Variants in RGS6 observed in about 807,000 individuals in gnomAD.
The protein encoded by RGS6 is regulator of G-protein signaling 6.
In RGS6, 30 loss-of-function variants were observed where a neutral mutation model predicts 78.5. The ratio of observed to expected loss-of-function variants is 0.38; its 90% CI spans 0.29 to 0.52. RGS6 has a LOEUF of 0.52. Among genes scored for constraint, RGS6 ranks in the 20% least tolerant of loss-of-function variants. The pLI is 0.85. For missense variants in RGS6, 495 were observed against 609.7 expected (o/e 0.81, Z 1.98); for synonymous variants, 206 against 206.0 (o/e 1.00, Z 0.00).
At chr14:72,080,916 T>C (rs1567165508) in intron 2 of RGS6, among the ~76,000 whole-genome samples, 1 of 152,172 alleles carries the variant, frequency 6.6e-6, no homozygotes, top group Non-Finnish European at 1.5e-5. Context: ...TTTTGATTAC[T>C]GTAGCTTTGT....
chr14:72,422,134 C>T (rs1393729134), intron 3 of RGS6, among the ~76,000 whole-genome samples: 1 of 152,190 alleles, frequency 6.6e-6, no homozygotes, highest in Non-Finnish European at 1.5e-5. Context: ...CTATGTAAGA[C>T]ATGACTTGCA....
chr14:72,519,797 G>A (rs1290174640), intron 15 of RGS6, among the ~76,000 whole-genome samples: 3 of 152,146 alleles, frequency 2.0e-5, no homozygotes, highest in Non-Finnish European at 4.4e-5. Flanking sequence ...GAGTGACAGG[G>A]GAGTTCCGTG....
chr14:72,246,099 A>G (rs1476604447), intron 2 of RGS6, among the ~76,000 whole-genome samples: 1 of 152,194 alleles, frequency 6.6e-6, no homozygotes, highest in Non-Finnish European at 1.5e-5. Context: ...ATCATCAGTG[A>G]TGTAATATTC....
At chr14:72,095,562 G>T (rs948449881) in intron 2 of RGS6, among the ~76,000 whole-genome samples, 5 of 152,198 alleles carry the variant, frequency 3.3e-5, no homozygotes, top group Admixed American at 6.5e-5. Context: ...CTGTAACAGT[G>T]TCACGTTGGC....
intron 2 of RGS6, among the ~76,000 whole-genome samples, chr14:72,200,538 C>G (rs945610418): frequency 8.5e-5 from 13 of 152,146 alleles, no homozygotes; most frequent in Non-Finnish European, 1.8e-4. Context: ...AAAGGTTTGA[C>G]CAACTCAGAG....
intron 2 of RGS6, among the ~76,000 whole-genome samples, chr14:72,149,575 A>T (rs1353536878): frequency 6.6e-6 from 1 of 152,194 alleles, no homozygotes; most frequent in Non-Finnish European, 1.5e-5. Flanking sequence ...TTTGGGACCA[A>T]ATTATGGTGG....
intron 3 of RGS6, among the ~76,000 whole-genome samples, chr14:72,414,506 T>C (rs1230666785): frequency 6.6e-6 from 1 of 152,192 alleles, no homozygotes; most frequent in Non-Finnish European, 1.5e-5. Context: ...TGCCATTGGT[T>C]CGAACTTCCT....
chr14:72,588,794 C>T, the RGS6 span, among the ~76,000 whole-genome samples: 1 of 152,164 alleles, frequency 6.6e-6, no homozygotes, highest in Non-Finnish European at 1.5e-5. Context: ...TTGTGATTTA[C>T]AGAAAGAAAT....
intron 2 of RGS6, among the ~76,000 whole-genome samples, chr14:72,057,079 C>G (rs2093651226): frequency 6.6e-6 from 1 of 151,892 alleles, no homozygotes; most frequent in South Asian, 2.1e-4. Context: ...TTTGGAAGGC[C>G]GAGGCAGGCG....
At chr14:71,918,920 A>G in the RGS6 span, among the ~76,000 whole-genome samples, 1 of 152,218 alleles carries the variant, frequency 6.6e-6, no homozygotes, top group East Asian at 1.9e-4. Context: ...TTGAGTTACA[A>G]TGATAAAGTT....
chr14:72,057,318 A>C (rs1346326411), intron 2 of RGS6, among the ~76,000 whole-genome samples: 1 of 90,098 alleles, frequency 1.1e-5, no homozygotes, highest in Non-Finnish European at 2.5e-5. Flanking sequence ...TATCTGAAAA[A>C]AAAAAAAAAA....
chr14:72,313,619 A>G (rs1400754392), intron 2 of RGS6, among the ~76,000 whole-genome samples: 1 of 151,884 alleles, frequency 6.6e-6, no homozygotes, highest in Non-Finnish European at 1.5e-5. Context: ...TGATTAAGAG[A>G]AGCTAGCTTA....
At chr14:72,378,227 T>C (rs961958356) in intron 3 of RGS6, among the ~76,000 whole-genome samples, 1 of 152,160 alleles carries the variant, frequency 6.6e-6, no homozygotes, top group Non-Finnish European at 1.5e-5. Context: ...CAGGCAAGTT[T>C]ATAGCAATAA....
chr14:72,147,941 C>T (rs1038997508), intron 2 of RGS6, among the ~76,000 whole-genome samples: 7 of 152,064 alleles, frequency 4.6e-5, no homozygotes, highest in Non-Finnish European at 1.0e-4. Flanking sequence ...ACCATCCTGG[C>T]TAACATGGTG....
At chr14:72,193,367 C>T (rs2039196730) in intron 2 of RGS6, among the ~76,000 whole-genome samples, 1 of 152,240 alleles carries the variant, frequency 6.6e-6, no homozygotes, top group Non-Finnish European at 1.5e-5. Context: ...TTAGTAGCAA[C>T]TGCTCCCTCT....
intron 2 of RGS6, among the ~76,000 whole-genome samples, chr14:72,174,464 A>G (rs1312817443): frequency 6.6e-6 from 1 of 152,222 alleles, no homozygotes; most frequent in Non-Finnish European, 1.5e-5. Flanking sequence ...GCCGCAAGGT[A>G]GGGGAGCTCA....
At chr14:72,516,373 G>T (rs2096942838) in intron 14 of RGS6, among the ~76,000 whole-genome samples, 1 of 152,164 alleles carries the variant, frequency 6.6e-6, no homozygotes, top group Non-Finnish European at 1.5e-5. Flanking sequence ...AGAGTCAAGG[G>T]CCCACCTGAA....
At chr14:72,053,083 T>TCCCTCCCTCCCTCCCTCCCTC (rs1458839360) in intron 2 of RGS6, among the ~76,000 whole-genome samples, 1 of 3,586 alleles carries the variant, frequency 2.8e-4, no homozygotes, top group African/African-American at 7.3e-4. Context: ...CTCCCTCCCT[T>TCCCTCCCTCCCTCCCTCCCTC]CCTTCCTTCC....
At chr14:72,309,530 T>G (rs576190329) in intron 2 of RGS6, among the ~76,000 whole-genome samples, 3 of 152,320 alleles carry the variant, frequency 2.0e-5, no homozygotes, top group Admixed American at 6.5e-5. Flanking sequence ...GGGATCAATG[T>G]TGGTAGTTTG....
Sources: allele counts gnomAD v4.1 joint callset (sites outside exome capture counted in the v4.1 genomes callset), GRCh38; gene constraint gnomAD v4.1.1; transcripts MANE v1.5; gene names NCBI Gene and HGNC (gene_info 2026-07-23, HGNC 2026-07-21).